GALNT11: variants seen among roughly 807,000 people sequenced by gnomAD.
GALNT11 encodes the protein UDP-GalNAc:polypeptide N-acetylgalactosaminyltransferase 11.
In GALNT11, 47 loss-of-function variants were observed where a neutral mutation model predicts 72.7. That is an observed-to-expected ratio of 0.65 (90% CI 0.51 to 0.82). The LOEUF (loss-of-function observed/expected upper bound fraction) is 0.82, where lower values mean the gene tolerates loss of function less well. Among genes scored for constraint, GALNT11 ranks in the 40% least tolerant of loss-of-function variants. The pLI is 0.00. For synonymous variants in GALNT11, 270 were observed against 286.6 expected, an observed-to-expected ratio of 0.94 and a Z score of 0.58; for missense variants, 677 against 778.4, an observed-to-expected ratio of 0.87 and a Z score of 1.55.
intron 4 of GALNT11, chr7:152,104,503 T>G (rs569486708): frequency 4.6e-5 from 7 of 152,220 alleles, no homozygotes; most frequent in Non-Finnish European, 7.3e-5. Flanking sequence ...CTGGACCACG[T>G]AGAAGATTGG....
At chr7:152,044,989 A>G (rs913311741) in intron 1 of GALNT11, among the ~76,000 whole-genome samples, 3 of 152,096 alleles carry the variant, frequency 2.0e-5, no homozygotes, top group Non-Finnish European at 4.4e-5. Flanking sequence ...GGTTTTTATC[A>G]TGAAAGGATG....
chr7:152,091,147 A>G (rs1399355174), intron 1 of GALNT11, among the ~76,000 whole-genome samples: 1 of 152,016 alleles, frequency 6.6e-6, no homozygotes, highest in African/African-American at 2.4e-5. Flanking sequence ...CCCGGGTTCA[A>G]GCAATTTCTC....
intron 6 of GALNT11, among the ~76,000 whole-genome samples, chr7:152,108,821 T>G (rs1425876340): frequency 1.1e-4 from 16 of 152,202 alleles, no homozygotes; most frequent in Non-Finnish European, 2.9e-5. Flanking sequence ...CTTTAAAAAT[T>G]TCTTACGTAG....
chr7:152,063,946 G>A (rs1393977549), intron 1 of GALNT11, among the ~76,000 whole-genome samples: 4 of 152,168 alleles, frequency 2.6e-5, no homozygotes, highest in Non-Finnish European at 4.4e-5. Context: ...TTGATTTTGG[G>A]TAGAGAGTTC....
chr7:152,103,506 T>C, intron 4 of GALNT11: 1 of 449,010 alleles, frequency 2.2e-6, no homozygotes, highest in South Asian at 4.2e-5. Flanking sequence ...GTGGCTTACT[T>C]TAAAAAACAC....
chr7:152,073,841 TCTAA>T (rs2084804083), intron 1 of GALNT11, among the ~76,000 whole-genome samples: 1 of 152,246 alleles, frequency 6.6e-6, no homozygotes, highest in South Asian at 2.1e-4. Context: ...TAATAGCCAC[TCTAA>T]CTGGGATGAG....
chr7:152,031,349 G>C (rs1341730188), intron 1 of GALNT11, among the ~76,000 whole-genome samples: 5 of 152,192 alleles, frequency 3.3e-5, no homozygotes, highest in Non-Finnish European at 7.4e-5. Flanking sequence ...AGTCATGCTC[G>C]ATTGGTTCCC....
Position 152,121,894 on chromosome 7 carries a change from C to A in GALNT11, c.*217C>A. 2 of 494,518 alleles carry A rather than the reference C, an allele frequency of 4.0e-6. No individual in the cohort carries two copies. The highest frequency in any genetic ancestry group is 7.1e-6 in the Non-Finnish European group (2 of 283,340). 30.6% of individuals were successfully genotyped at this position (494,518 alleles called of 1,614,324 possible). ...CCACGGGTGAAGAAGTGAGTGTCCA[C>A]GGGTGAAGAAGTGAGTATGTTTCAC... On this transcript the variant is annotated 3_prime_UTR_variant, in exon 12 of 12. Coordinates refer to ENST00000430044, the MANE Select transcript of GALNT11 (RefSeq NM_022087.4).
At chr7:152,105,540 C>A in intron 5 of GALNT11, among the ~76,000 whole-genome samples, 170 bp downstream of exon 5, 1 of 152,194 alleles carries the variant, frequency 6.6e-6, no homozygotes, top group East Asian at 1.9e-4. Context: ...TAACGCCAAG[C>A]CTGCCATCCC....
At chr7:152,055,989 C>T (rs1247922563) in intron 1 of GALNT11, among the ~76,000 whole-genome samples, 1 of 151,826 alleles carries the variant, frequency 6.6e-6, no homozygotes, top group African/African-American at 2.4e-5. Flanking sequence ...CTTCCACAAC[C>T]CCCCAAATCC....
intron 1 of GALNT11, among the ~76,000 whole-genome samples, chr7:152,054,026 T>C (rs947473474): frequency 6.6e-5 from 10 of 152,306 alleles, no homozygotes; most frequent in African/African-American, 2.2e-4. Context: ...TCCTTGTATG[T>C]TTCTCTAGTG....
intron 3 of GALNT11, among the ~76,000 whole-genome samples, chr7:152,102,185 TA>T (rs2086988591): frequency 6.6e-6 from 1 of 152,036 alleles, no homozygotes; most frequent in South Asian, 2.1e-4. Flanking sequence ...GTGATTTTGG[TA>T]AAAAGAACTC....
intron 9 of GALNT11, 105 bp from the exon 10 acceptor site, chr7:152,118,573 C>T (rs2089113906): frequency 6.8e-6 from 6 of 887,962 alleles, no homozygotes; most frequent in South Asian, 3.3e-5. Context: ...CCTTGGAATT[C>T]GTACCTCCGG....
intron 8 of GALNT11, 58 bp from the exon 9 acceptor site, chr7:152,117,099 G>T: frequency 7.0e-7 from 1 of 1,431,524 alleles, no homozygotes; most frequent in Non-Finnish European, 9.6e-7. Flanking sequence ...CTATATAGTT[G>T]TATCATCATT....
intron 1 of GALNT11, among the ~76,000 whole-genome samples, chr7:152,066,775 C>CA (rs2084336448): frequency 6.6e-6 from 1 of 152,206 alleles, no homozygotes. Context: ...TGAGAACACA[C>CA]ACATTTATTG....
chr7:152,108,554 C>T (rs1412650179), intron 6 of GALNT11, among the ~76,000 whole-genome samples: 1 of 152,220 alleles, frequency 6.6e-6, no homozygotes, highest in African/African-American at 2.4e-5. Context: ...AGAGGAAGCC[C>T]TGGGAGGGCC....
At chr7:152,038,799 C>T (rs1183028474) in intron 1 of GALNT11, among the ~76,000 whole-genome samples, 1 of 152,214 alleles carries the variant, frequency 6.6e-6, no homozygotes, top group Non-Finnish European at 1.5e-5. Context: ...TTACTAGCTG[C>T]TAATCTGTCT....
At chr7:152,066,177 C>T (rs2084298500) in intron 1 of GALNT11, among the ~76,000 whole-genome samples, 1 of 152,182 alleles carries the variant, frequency 6.6e-6, no homozygotes, top group African/African-American at 2.4e-5. Flanking sequence ...CCTTGCAGTT[C>T]GATCTCAGAC....
chr7:152,114,855 T>A (rs1250402066), intron 8 of GALNT11, among the ~76,000 whole-genome samples: 1 of 152,254 alleles, frequency 6.6e-6, no homozygotes, highest in Non-Finnish European at 1.5e-5. Flanking sequence ...AGCTATTTTT[T>A]AAACATTTGT....
Sources: allele counts gnomAD v4.1 joint callset (sites outside exome capture counted in the v4.1 genomes callset), GRCh38; gene constraint gnomAD v4.1.1; transcripts MANE v1.5; gene names NCBI Gene and HGNC (gene_info 2026-07-23, HGNC 2026-07-21).